Variants in RANBP2 observed in about 807,000 individuals in gnomAD.
The protein encoded by RANBP2 is E3 SUMO-protein ligase RanBP2.
In RANBP2, 57 loss-of-function variants were observed where a neutral mutation model predicts 303.6. The observed-to-expected ratio is 0.19, with a 90% CI of 0.15 to 0.23. The LOEUF (loss-of-function observed/expected upper bound fraction) is 0.23, where lower values mean the gene tolerates loss of function less well. RANBP2 is among the 10% of genes least tolerant of loss of function. The probability of loss-of-function intolerance (pLI) is 1.00; values close to 1 mark genes in which losing one functional copy is unlikely to be tolerated. For missense variants in RANBP2, 3,138 were observed against 3,780.8 expected (o/e 0.83, Z 4.46); for synonymous variants, 1,167 against 1,301.5 (o/e 0.90, Z 2.23).
chr2:109,172,248 C>A, the RANBP2 span, among the ~76,000 whole-genome samples: 2 of 152,172 alleles, frequency 1.3e-5, no homozygotes, highest in African/African-American at 4.8e-5. Flanking sequence ...AAGTATCAGC[C>A]GCCACAGGGA....
Position 108,729,217 on chromosome 2 carries a change from C to T in RANBP2, c.140+18C>T, listed in dbSNP as rs537134678. On this transcript the variant is annotated intron_variant, in intron 2 of 28. Coordinates refer to ENST00000283195, the MANE Select transcript of RANBP2 (RefSeq NM_006267.5). ...GCTAAAAAGTAAGTACAAACTGTAA[C>T]ATGTATTTTTTTTTTAAAATCAATG... 36 of 1,561,240 alleles carry T rather than the reference C, an allele frequency of 2.3e-5. No individual in the cohort carries two copies. The highest frequency in any genetic ancestry group is 4.7e-4 in the Middle Eastern group (2 of 4,276).
the RANBP2 span, among the ~76,000 whole-genome samples, chr2:109,158,734 C>T: frequency 1.3e-5 from 2 of 152,196 alleles, no homozygotes; most frequent in African/African-American, 4.8e-5. Context: ...AATGTTTTAA[C>T]ACATATTCTG....
chr2:109,376,682 T>A, the RANBP2 span, among the ~76,000 whole-genome samples: 1 of 152,228 alleles, frequency 6.6e-6, no homozygotes, highest in African/African-American at 2.4e-5. Context: ...GTGCTTTACT[T>A]ATCCTCAATA....
chr2:109,027,152 G>C, the RANBP2 span, among the ~76,000 whole-genome samples: 1 of 144,892 alleles, frequency 6.9e-6, no homozygotes, highest in African/African-American at 2.5e-5. Flanking sequence ...TGAGGCAGGA[G>C]AATCACTAGA....
At chr2:108,757,607 C>G (rs1190886627) in intron 17 of RANBP2, among the ~76,000 whole-genome samples, 1 of 152,120 alleles carries the variant, frequency 6.6e-6, no homozygotes, top group African/African-American at 2.4e-5. Context: ...TATTTTGTTT[C>G]AGCATGGGGT....
At chr2:109,306,359 T>C in the RANBP2 span, among the ~76,000 whole-genome samples, 1 of 152,210 alleles carries the variant, frequency 6.6e-6, no homozygotes, top group East Asian at 1.9e-4. Context: ...CTGCGCATAC[T>C]CCAGCAGCAC....
the RANBP2 span, among the ~76,000 whole-genome samples, chr2:109,327,732 C>A: frequency 6.6e-6 from 1 of 152,154 alleles, no homozygotes; most frequent in Admixed American, 6.5e-5. Flanking sequence ...AAAATAGCAA[C>A]AAAAATATAA....
chr2:109,265,449 C>G, the RANBP2 span, among the ~76,000 whole-genome samples: 1 of 152,210 alleles, frequency 6.6e-6, no homozygotes, highest in Admixed American at 6.5e-5. Context: ...TGACAGTGAG[C>G]CCCCACCTCC....
chr2:108,788,266 A>C (rs1217818423), downstream of RANBP2, among the ~76,000 whole-genome samples: 1 of 151,886 alleles, frequency 6.6e-6, no homozygotes, highest in Non-Finnish European at 1.5e-5. Context: ...TAAAGATACA[A>C]AAAATTAGCC....
At chr2:109,590,097 C>CAT in the RANBP2 span, among the ~76,000 whole-genome samples, 6 of 146,444 alleles carry the variant, frequency 4.1e-5, no homozygotes, top group African/African-American at 7.9e-5. Context: ...TATATACACA[C>CAT]ATATATATGT....
chr2:109,557,185 A>T, the RANBP2 span, among the ~76,000 whole-genome samples: 1 of 152,178 alleles, frequency 6.6e-6, no homozygotes. Context: ...AAAAATTTAA[A>T]AAAAATTATA....
At chr2:108,942,667 G>A in the RANBP2 span, among the ~76,000 whole-genome samples, 22 of 152,250 alleles carry the variant, frequency 1.4e-4, no homozygotes, top group Admixed American at 1.3e-3. Flanking sequence ...TCAAGACGGC[G>A]GGAGCCCTGC....
the RANBP2 span, among the ~76,000 whole-genome samples, chr2:108,939,253 C>T: frequency 6.6e-6 from 1 of 152,300 alleles, no homozygotes. Context: ...TCTCAGCTCA[C>T]TGCAACCTCC....
At chr2:109,550,268 C>CA in the RANBP2 span, among the ~76,000 whole-genome samples, 36 of 150,478 alleles carry the variant, frequency 2.4e-4, no homozygotes, top group African/African-American at 7.3e-4. Context: ...CCAGCCTGGG[C>CA]AACAAAAGCA....
the RANBP2 span, among the ~76,000 whole-genome samples, chr2:109,223,330 GC>G: frequency 1.3e-5 from 2 of 152,230 alleles, no homozygotes; most frequent in Non-Finnish European, 2.9e-5. Flanking sequence ...GTTTCCCAGA[GC>G]CGACAGAGCC....
chr2:109,578,868 A>G, the RANBP2 span, among the ~76,000 whole-genome samples: 7 of 152,222 alleles, frequency 4.6e-5, no homozygotes, highest in African/African-American at 1.7e-4. Context: ...TTATAATACT[A>G]AATGCATAAG....
At chr2:109,584,009 G>A in the RANBP2 span, among the ~76,000 whole-genome samples, 41 of 152,092 alleles carry the variant, frequency 2.7e-4, 1 homozygote, top group Non-Finnish European at 1.3e-4. Flanking sequence ...GAAGATACCC[G>A]GTAAAGGCTG....
At chr2:109,484,067 CT>C in the RANBP2 span, among the ~76,000 whole-genome samples, 35,377 of 94,136 alleles carry the variant, frequency 0.38, 4,155 homozygotes, top group Non-Finnish European at 0.4. Context: ...TCTGGCCTTT[CT>C]TTTTTTTTTT....
chr2:108,740,795 G>A, intron 7 of RANBP2, 114 bp downstream of exon 7: 1 of 1,330,736 alleles, frequency 7.5e-7, no homozygotes, highest in Admixed American at 1.8e-5. Flanking sequence ...TGGAATTAAA[G>A]TTGAAATAGT....
Sources: allele counts gnomAD v4.1 joint callset (sites outside exome capture counted in the v4.1 genomes callset), GRCh38; gene constraint gnomAD v4.1.1; transcripts MANE v1.5; gene names NCBI Gene and HGNC (gene_info 2026-07-23, HGNC 2026-07-21).